Variants in P3H2 observed in about 807,000 individuals in gnomAD.
P3H2 encodes leprecan-like 1.
In P3H2, 80 loss-of-function variants were observed where a neutral mutation model predicts 87.0. The ratio of observed to expected loss-of-function variants is 0.92; its 90% CI spans 0.77 to 1.11. The LOEUF is 1.11. Ranked by LOEUF, P3H2 falls within the 50% of genes least tolerant of loss-of-function variation. P3H2 has a pLI of 0.00. For synonymous variants in P3H2, 367 were observed against 359.3 expected (o/e 1.02, Z -0.24); for missense variants, 1,001 against 923.9 (o/e 1.08, Z -1.08).
At chr3:189,970,191 A>ATATATATATAT (rs1723130514) in intron 13 of P3H2, among the ~76,000 whole-genome samples, 2 of 53,980 alleles carry the variant, frequency 3.7e-5, no homozygotes, top group African/African-American at 1.5e-4. Context: ...TATATATGCA[A>ATATATATATAT]ATATATATAT....
chr3:190,027,694 A>G (rs1725125470), intron 1 of P3H2, among the ~76,000 whole-genome samples: 1 of 149,708 alleles, frequency 6.7e-6, no homozygotes, highest in African/African-American at 2.5e-5. Flanking sequence ...TACTGTTAAC[A>G]TTTAGTGTTT....
intron 1 of P3H2, among the ~76,000 whole-genome samples, chr3:190,069,205 T>C (rs780168703): frequency 2.0e-5 from 3 of 152,130 alleles, no homozygotes; most frequent in Admixed American, 6.5e-5. Flanking sequence ...GAATAAACCA[T>C]ACCAAGAAGA....
chr3:190,089,349 G>C (rs756178410), intron 1 of P3H2, among the ~76,000 whole-genome samples: 19 of 152,122 alleles, frequency 1.2e-4, no homozygotes, highest in Non-Finnish European at 2.5e-4. Context: ...GCACATGTAC[G>C]CTACAACTTA....
chr3:190,013,208 CAT>C (rs1724648629), intron 1 of P3H2, among the ~76,000 whole-genome samples: 1 of 152,164 alleles, frequency 6.6e-6, no homozygotes, highest in African/African-American at 2.4e-5. Flanking sequence ...AGTAAATACA[CAT>C]GACAATGATC....
At chr3:190,056,285 C>T (rs1362815124) in intron 1 of P3H2, among the ~76,000 whole-genome samples, 2 of 152,120 alleles carry the variant, frequency 1.3e-5, no homozygotes, top group Admixed American at 1.3e-4. Context: ...TGGTCTTTGT[C>T]CTGGCAGCCC....
At chr3:190,117,692 C>A (rs1318574934) in intron 1 of P3H2, among the ~76,000 whole-genome samples, 1 of 101,330 alleles carries the variant, frequency 9.9e-6, no homozygotes, top group Non-Finnish European at 1.9e-5. Context: ...TGTGCGTATT[C>A]ATAAGTGAAA....
At chr3:190,038,143 T>C (rs1250452839) in intron 1 of P3H2, among the ~76,000 whole-genome samples, 3 of 151,502 alleles carry the variant, frequency 2.0e-5, no homozygotes, top group Non-Finnish European at 2.9e-5. Context: ...AATGCTTATC[T>C]ACTGTGCCTA....
intron 1 of P3H2, among the ~76,000 whole-genome samples, chr3:190,040,835 A>T (rs907380014): frequency 6.6e-6 from 1 of 151,402 alleles, no homozygotes; most frequent in African/African-American, 2.4e-5. Context: ...GCTACTACAA[A>T]GCTAGTACAC....
chr3:189,994,298 ACG>A lies in P3H2; in HGVS notation c.634-17_634-16del, dbSNP rs1491455979. 5 of 1,353,848 alleles carry A rather than the reference ACG, an allele frequency of 3.7e-6. No homozygotes were observed. In the South Asian group the frequency reaches 4.9e-5, roughly 13 times the overall value. The allele number at this position is 1,353,848 out of a possible 1,614,324, so 83.9% of individuals were successfully genotyped here. On this transcript the variant is annotated splice_polypyrimidine_tract_variant and intron_variant, in intron 2 of 14. Coordinates refer to ENST00000319332, the MANE Select transcript of P3H2 (RefSeq NM_018192.4). ...TTGTAACTCTCCTGTAATGAAACAG[ACG>A]GGAAAAAACAAACAAACAAACAAAC...
chr3:189,988,343 A>G (rs12638654), intron 4 of P3H2, among the ~76,000 whole-genome samples: 38,920 of 152,074 alleles, frequency 0.26, 5,203 homozygotes, highest in African/African-American at 0.31. Context: ...AGTTCACAAC[A>G]TTGTATTTCT....
chr3:190,057,440 G>A (rs1172628635), intron 1 of P3H2, among the ~76,000 whole-genome samples: 1 of 152,128 alleles, frequency 6.6e-6, no homozygotes, highest in Non-Finnish European at 1.5e-5. Context: ...ATCATGTCTG[G>A]AATGAAATTC....
At chr3:190,071,073 G>C (rs1442237633) in intron 1 of P3H2, among the ~76,000 whole-genome samples, 1 of 152,166 alleles carries the variant, frequency 6.6e-6, no homozygotes, top group Non-Finnish European at 1.5e-5. Flanking sequence ...CAAATGTGAA[G>C]TATCTAATTT....
intron 1 of P3H2, among the ~76,000 whole-genome samples, chr3:190,099,788 T>C (rs1280912415): frequency 1.3e-5 from 2 of 152,260 alleles, no homozygotes; most frequent in Non-Finnish European, 2.9e-5. Flanking sequence ...AAGTTGAATG[T>C]TAACCACTGG....
rs1032354199 is a variant in P3H2 at position 190,045,468 on chromosome 3, T to TC, written c.481-50027dup. 3.9e-5 allele frequency among the ~76,000 whole-genome samples: 6 copies of TC among 151,968 alleles called. No individual in the cohort carries two copies. The East Asian group carries it at 5.8e-4, about 15-fold the overall frequency. On this transcript the variant is annotated intron_variant, in intron 1 of 14. Coordinates refer to ENST00000319332, the MANE Select transcript of P3H2 (RefSeq NM_018192.4). ...TTGCTGCCTTTTATTCATTTTTCCT[T>TC]CCCCCCAACCAAATCCTTCATATAT...
At chr3:190,015,520 G>A (rs1724724561) in intron 1 of P3H2, among the ~76,000 whole-genome samples, 1 of 152,144 alleles carries the variant, frequency 6.6e-6, no homozygotes, top group Non-Finnish European at 1.5e-5. Context: ...TTCTATGGTA[G>A]AAATAGCACT....
chr3:190,100,511 C>A (rs2108515258), intron 1 of P3H2, among the ~76,000 whole-genome samples: 1 of 152,144 alleles, frequency 6.6e-6, no homozygotes, highest in South Asian at 2.1e-4. Flanking sequence ...TATATTGAAG[C>A]TGGCAGAGAC....
At chr3:189,994,780 T>A (rs1577260877) in intron 2 of P3H2, among the ~76,000 whole-genome samples, 1 of 149,454 alleles carries the variant, frequency 6.7e-6, no homozygotes, top group African/African-American at 2.4e-5. Context: ...GCTTTCAACA[T>A]GTGATTTCAA....
At chr3:190,107,660 T>C (rs900211859) in intron 1 of P3H2, among the ~76,000 whole-genome samples, 1 of 152,168 alleles carries the variant, frequency 6.6e-6, no homozygotes, top group Non-Finnish European at 1.5e-5. Flanking sequence ...AAAATAACAT[T>C]TCCCTTATCA....
chr3:190,101,751 G>T lies in P3H2; in HGVS notation c.480+18501C>A, dbSNP rs111508973. Among the ~76,000 whole-genome samples, 922 of 152,266 alleles carry T rather than the reference G, an allele frequency of 6.1e-3. 6 individuals carry two copies. Among genetic ancestry groups the T allele is most frequent in the African/African-American group, 0.022 (895 of 41,554 alleles). Reference sequence around the variant, plus strand: ...AGATCTAGCTAAAGTAATTAATAAAGGTGGCTGCACTAAACAACAAATTTT... The same window carrying T: ...AGATCTAGCTAAAGTAATTAATAAATGTGGCTGCACTAAACAACAAATTTT... On this transcript the variant is annotated intron_variant, in intron 1 of 14. Coordinates refer to ENST00000319332, the MANE Select transcript of P3H2 (RefSeq NM_018192.4).
Sources: allele counts gnomAD v4.1 joint callset (sites outside exome capture counted in the v4.1 genomes callset), GRCh38; gene constraint gnomAD v4.1.1; transcripts MANE v1.5; gene names NCBI Gene and HGNC (gene_info 2026-07-23, HGNC 2026-07-21).